The following RHEBL1 variants were observed in gnomAD, a reference collection of about 807,000 sequenced individuals.
RHEBL1 encodes the protein RHEB like 1.
Under a neutral mutation model 27.4 loss-of-function variants are expected in RHEBL1, and 22 were observed. The ratio of observed to expected loss-of-function variants is 0.80; its 90% CI spans 0.57 to 1.15. The LOEUF is 1.15. Ranked by LOEUF, RHEBL1 falls within the 50% of genes most tolerant of loss-of-function variation. The probability of loss-of-function intolerance (pLI) is 0.00; values close to 1 mark genes in which losing one functional copy is unlikely to be tolerated. For synonymous variants in RHEBL1, 85 were observed against 80.8 expected, an observed-to-expected ratio of 1.05 and a Z score of -0.28; for missense variants, 186 against 226.5, an observed-to-expected ratio of 0.82 and a Z score of 1.15.
At chr12:49,066,335 C>G (rs1938996922) in intron 5 of RHEBL1, 57 bp from the exon 6 acceptor site, 11 of 1,583,170 alleles carry the variant, frequency 6.9e-6, no homozygotes, top group Non-Finnish European at 9.5e-6. Flanking sequence ...TCCCCAACTC[C>G]TTACATCAAG....
rs1210486055 is a variant in RHEBL1 at position 49,069,037 on chromosome 12, T to A, written c.122A>T (p.Asn41Ile). The change falls in exon 2 of 8, where the codon AAT becomes ATT. Residue 41 changes from asparagine to isoleucine, a missense_variant and splice_region_variant. Asn to Ile is a moderately radical substitution (Grantham distance 149, BLOSUM62 -3). This residue lies in a region of RHEBL1 where 62 missense variants were observed against 62.1 expected (regional missense o/e 1.00). Transcript: ENST00000301068. ...FSEGYDPTVE[N>I]TYSKIVTLGK... ...CACTAGGGGAGAAGTCTACTCACTA[T>A]TCTCCACTGTAGGATCGTAGCCTTC... 6.2e-7 allele frequency: 1 copy of A among 1,613,428 alleles called. No homozygotes were observed.
At position 49,064,950 on chromosome 12, in the gene RHEBL1, G is replaced by A. The variant is rs1938971058; in HGVS notation, c.*153C>T. The A allele has an allele frequency of 3.2e-6, 2 of 626,676 alleles. No individual in the cohort carries two copies. Among genetic ancestry groups the A allele is most frequent in the Non-Finnish European group, 5.7e-6 (2 of 347,882 alleles). 38.8% of individuals were successfully genotyped at this position (626,676 alleles called of 1,614,324 possible). A position where few individuals can be genotyped will look rare whatever the true frequency, so the allele number is the denominator to read the frequency against. On this transcript the variant is annotated 3_prime_UTR_variant, in exon 8 of 8. Transcript: ENST00000301068. ...GACATCCAGGCCACTGGAGCCTGGG[G>A]AAAGTGTGCAAACATGAGGATGCCA...
Position 49,066,313 on chromosome 12 carries a change from C to T in RHEBL1, c.333-35G>A, listed in dbSNP as rs949306632. On this transcript the variant is annotated intron_variant, in intron 5 of 7. Coordinates refer to ENST00000301068, the MANE Select transcript of RHEBL1 (RefSeq NM_144593.3). ...AACAGCAGTTACTTCAGAATCCCCTCATTCCCCGCATTCCCCAACTCCTTA... is the reference window on the plus strand; with the variant it reads ...AACAGCAGTTACTTCAGAATCCCCTTATTCCCCGCATTCCCCAACTCCTTA... 6 of 1,597,412 alleles carry T rather than the reference C, an allele frequency of 3.8e-6. No individual in the cohort carries two copies. In the African/African-American group the frequency reaches 5.4e-5, roughly 14 times the overall value.
At chr12:49,069,685 C>G (rs1245050086) in intron 1 of RHEBL1, 49 bp downstream of exon 1, 1 of 1,582,074 alleles carries the variant, frequency 6.3e-7, no homozygotes, top group Non-Finnish European at 8.7e-7. Flanking sequence ...CGCGCCTCTT[C>G]TGGCTACAAA....
intron 3 of RHEBL1, 74 bp downstream of exon 3, chr12:49,066,894 G>A: frequency 2.4e-6 from 3 of 1,272,184 alleles, no homozygotes; most frequent in Non-Finnish European, 3.4e-6. Flanking sequence ...CTTTACGGAT[G>A]AGCCACAAAG....
rs144515252 is a variant in RHEBL1, at chr12:49,064,817, GC to G, written c.*285del. ...AGAGGATGGGTCCTGGATAAATAAT[GC>G]CCAGGACTCATATCCTGACCCCATA... On this transcript the variant is annotated 3_prime_UTR_variant, in exon 8 of 8. Transcript: ENST00000301068. 5.0e-3 allele frequency: 2,022 copies of G among 408,374 alleles called. 40 individuals carry two copies. The highest frequency in any genetic ancestry group is 0.036 in the African/African-American group (1,803 of 50,632). The allele number at this position is 408,374 out of a possible 1,614,324, so 25.3% of individuals were successfully genotyped here. A position where few individuals can be genotyped will look rare whatever the true frequency, so the allele number is the denominator to read the frequency against.
intron 1 of RHEBL1, 67 bp from the exon 2 acceptor site, chr12:49,069,173 G>T (rs1251791612): frequency 6.2e-7 from 1 of 1,612,676 alleles, no homozygotes; most frequent in African/African-American, 1.3e-5. Context: ...TGTCCTTTCG[G>T]ACTGTGGCCC....
Position 49,069,058 on chromosome 12 carries a change from C to T in RHEBL1, c.101G>A (p.Gly34Asp). 1 of 1,614,108 alleles carries T rather than the reference C, an allele frequency of 6.2e-7. No homozygotes were observed. The highest frequency in any genetic ancestry group is 8.5e-7 in the Non-Finnish European group (1 of 1,179,984). Residue 34 changes from glycine (G) to aspartate (D), a missense_variant, in exon 2 of 8, where the codon GGC becomes GAC. Physicochemically the swap from Gly to Asp is moderately conservative, Grantham distance 94 (BLOSUM62 -1). This residue lies in a region of RHEBL1 where 62 missense variants were observed against 62.1 expected (regional missense o/e 1.00). Transcript: ENST00000301068. ...ACTATTCTCCACTGTAGGATCGTAG[C>T]CTTCCGAGAACTCGCCTTCCACAAA... is the stretch of plus-strand genomic sequence containing the variant. ...HQFVEGEFSEGYDPTVENTYS... is the reference protein window; with the variant it reads ...HQFVEGEFSEDYDPTVENTYS...
At chr12:49,065,823 G>A (rs1221995685) in intron 6 of RHEBL1, among the ~76,000 whole-genome samples, 1 of 152,006 alleles carries the variant, frequency 6.6e-6, no homozygotes, top group Non-Finnish European at 1.5e-5. Flanking sequence ...TACTTGGGAA[G>A]CTGAGGCAGG....
intron 2 of RHEBL1, 34 bp from the exon 3 acceptor site, chr12:49,067,069 C>T: frequency 1.4e-6 from 2 of 1,459,132 alleles, no homozygotes; most frequent in Non-Finnish European, 1.9e-6. Flanking sequence ...TGTGAAGTGC[C>T]TTATAGGACC....
intron 3 of RHEBL1, 109 bp downstream of exon 3, chr12:49,066,859 A>G: frequency 1.8e-6 from 2 of 1,093,784 alleles, no homozygotes; most frequent in African/African-American, 1.5e-5. Flanking sequence ...GCATACTGTT[A>G]GCAGGTAAAA....
intron 2 of RHEBL1, among the ~76,000 whole-genome samples, chr12:49,068,122 C>CTTTTTTTT (rs56250975): frequency 6.9e-6 from 1 of 144,926 alleles, no homozygotes. Flanking sequence ...TCTTTTTATT[C>CTTTTTTTT]TTTTTTTTTT....
chr12:49,065,547 C>T, intron 6 of RHEBL1, 116 bp from the exon 7 acceptor site: 1 of 825,658 alleles, frequency 1.2e-6, no homozygotes, highest in Admixed American at 1.9e-5. Flanking sequence ...TGTAATGCAG[C>T]ACTTTGGGAG....
At chr12:49,065,236 A>G in intron 7 of RHEBL1, 44 bp from the exon 8 acceptor site, 1 of 1,565,686 alleles carries the variant, frequency 6.4e-7, no homozygotes, top group Non-Finnish European at 8.8e-7. Flanking sequence ...TTCAGTGCCA[A>G]TACCACCCAG....
chr12:49,069,796 C>T lies in RHEBL1; in HGVS notation c.-11G>A, dbSNP rs1426752906. On this transcript the variant is annotated 5_prime_UTR_variant, in exon 1 of 8. Transcript: ENST00000301068. ...GCGGACTAGCGGCATGGCAGGAGCC[C>T]GCCCCAGGGGCTTGCGGAACTGCGG... The T allele has an allele frequency of 1.2e-6, 2 of 1,613,476 alleles. No homozygotes were observed. The highest frequency in any genetic ancestry group is 1.7e-5 in the Admixed American group (1 of 60,022).
intron 1 of RHEBL1, 65 bp from the exon 2 acceptor site, chr12:49,069,171 C>G: frequency 6.2e-7 from 1 of 1,612,788 alleles, no homozygotes; most frequent in Non-Finnish European, 8.5e-7. Flanking sequence ...TCTGTCCTTT[C>G]GGACTGTGGC....
At position 49,064,781 on chromosome 12, in the gene RHEBL1, A is replaced by G. The variant is rs1456454845; in HGVS notation, c.*322T>C. On this transcript the variant is annotated 3_prime_UTR_variant, in exon 8 of 8. Transcript: ENST00000301068. ...GCTCCCCTTACCCAGCCAACACCCAAAACCCACCCAAGAGGATGGGTCCTG... is the reference window on the plus strand; with the variant it reads ...GCTCCCCTTACCCAGCCAACACCCAGAACCCACCCAAGAGGATGGGTCCTG... The G allele has an allele frequency of 7.2e-6, 2 of 277,334 alleles. No individual in the cohort carries two copies. Among genetic ancestry groups the G allele is most frequent in the African/African-American group, 2.1e-5 (1 of 46,944 alleles). 17.2% of individuals were successfully genotyped at this position (277,334 alleles called of 1,614,324 possible). A position where few individuals can be genotyped will look rare whatever the true frequency, so the allele number is the denominator to read the frequency against.
In RHEBL1 at chr12:49,069,032, C is replaced by CA; in HGVS notation, c.124+2dup. On this transcript the variant is annotated splice_region_variant and intron_variant, in intron 2 of 7. Coordinates refer to ENST00000301068, the MANE Select transcript of RHEBL1 (RefSeq NM_144593.3). ...CAGCACACTAGGGGAGAAGTCTACT[C>CA]ACTATTCTCCACTGTAGGATCGTAG... The CA allele has an allele frequency of 6.2e-7, 1 of 1,612,598 alleles. No individual in the cohort carries two copies. Among genetic ancestry groups the CA allele is most frequent in the South Asian group, 1.1e-5 (1 of 90,942 alleles).
In RHEBL1 at chr12:49,065,038, G is replaced by T. The variant is rs1375014070; in HGVS notation, c.*65C>A. ...CATACCCGTGAAGTCCTGAGGATCT[G>T]CCCCCCACTGGAACATGGCAAGTGC... On this transcript the variant is annotated 3_prime_UTR_variant, in exon 8 of 8. Transcript: ENST00000301068. 1.3e-5 allele frequency: 15 copies of T among 1,179,654 alleles called. No homozygotes were observed. Among genetic ancestry groups the T allele is most frequent in the Non-Finnish European group, 1.9e-5 (15 of 785,186 alleles). 73.1% of individuals were successfully genotyped at this position (1,179,654 alleles called of 1,614,324 possible).
Sources: allele counts gnomAD v4.1 joint callset (sites outside exome capture counted in the v4.1 genomes callset), GRCh38; gene constraint gnomAD v4.1.1; regional missense constraint gnomAD v4.1.1; transcripts MANE v1.5; gene names NCBI Gene and HGNC (gene_info 2026-07-23, HGNC 2026-07-21).